The following SIDT2 variants were observed in gnomAD, a reference collection of about 807,000 sequenced individuals.
SIDT2 encodes SID1 transmembrane family, member 2.
In SIDT2, 68 loss-of-function variants were observed where a neutral mutation model predicts 114.4. That is an observed-to-expected ratio of 0.59 (90% CI 0.49 to 0.73). The LOEUF is 0.73. Ranked by LOEUF, SIDT2 falls within the 30% of genes least tolerant of loss-of-function variation. SIDT2 has a pLI of 0.00. For missense variants in SIDT2, 918 were observed against 1,097.1 expected, an observed-to-expected ratio of 0.84 and a Z score of 2.31; for synonymous variants, 470 against 438.4, an observed-to-expected ratio of 1.07 and a Z score of -0.90.
At position 117,182,099 on chromosome 11, in the gene SIDT2, G is replaced by A. The variant is rs777019232; in HGVS notation, c.510G>A (p.Gln170=). The change falls in exon 4 of 26, where the codon CAG becomes CAA. Residue 170 remains glutamine (Q), a synonymous_variant. Transcript: ENST00000324225. ...EQFSFNTTAA[Q]PQYFKYEFPE... ...TCAGCTTCAATACCACAGCAGCACA[G>A]CCCCAGGTAACATCTCCCTGTTGAT... 12 of 1,613,858 alleles carry A rather than the reference G, an allele frequency of 7.4e-6. No homozygotes were observed. In the South Asian group the frequency reaches 1.2e-4, roughly 16 times the overall value.
chr11:117,193,792 G>A, intron 23 of SIDT2, 61 bp from the exon 24 acceptor site: 1 of 1,262,078 alleles, frequency 7.9e-7, no homozygotes. Context: ...AGGCTGGGTG[G>A]GACAGCGGGG....
intron 1 of SIDT2, chr11:117,179,691 C>T (rs535247547): frequency 5.9e-6 from 3 of 507,780 alleles, no homozygotes; most frequent in Non-Finnish European, 1.0e-5. Flanking sequence ...CGCCCCCATT[C>T]TTCCATCAGT....
rs1210665807 is a variant in SIDT2 at position 117,186,526 on chromosome 11, A to T, written c.963-58A>T. 1.1e-5 allele frequency: 16 copies of T among 1,484,788 alleles called. No homozygotes were observed. In the East Asian group the frequency reaches 1.1e-4, roughly 11 times the overall value. The allele number at this position is 1,484,788 out of a possible 1,614,324, so 92.0% of individuals were successfully genotyped here. A position where few individuals can be genotyped will look rare whatever the true frequency, so the allele number is the denominator to read the frequency against. ...GAGAGGTAGAAGGAAAGTCAGCCCC[A>T]TACAGAGTGATCCTTGTCCTGTCCC... On this transcript the variant is annotated intron_variant, in intron 9 of 25. Coordinates refer to ENST00000324225, the MANE Select transcript of SIDT2 (RefSeq NM_001040455.2).
Position 117,182,123 on chromosome 11 carries a change from A to G in SIDT2, c.516+18A>G. ...AGCCCCAGGTAACATCTCCCTGTTG[A>G]TTGCTCGAGAGGAGAAATGGGGGAG... is the stretch of plus-strand genomic sequence containing the variant. On this transcript the variant is annotated intron_variant, in intron 4 of 25. Transcript: ENST00000324225. 1 of 1,613,488 alleles carries G rather than the reference A, an allele frequency of 6.2e-7. No homozygotes were observed. The highest frequency in any genetic ancestry group is 8.5e-7 in the Non-Finnish European group (1 of 1,179,954).
At chr11:117,186,977 C>T in intron 10 of SIDT2, 1 of 1,460,518 alleles carries the variant, frequency 6.8e-7, no homozygotes, top group East Asian at 2.9e-5. Context: ...CTGCGTGGGA[C>T]CTTCTCTCTT....
rs982597094 is a variant in SIDT2, at chr11:117,183,761, A to G, written c.703-18A>G. ...GATGATGATGATGAAGAAGATATTT[A>G]TCATCATCATCCTGCAGCGCAAAGA... is the stretch of plus-strand genomic sequence containing the variant. On this transcript the variant is annotated intron_variant, in intron 6 of 25. Transcript: ENST00000324225. 6.5e-7 allele frequency: 1 copy of G among 1,532,304 alleles called. No homozygotes were observed. The highest frequency in any genetic ancestry group is 9.0e-7 in the Non-Finnish European group (1 of 1,106,334). The allele number at this position is 1,532,304 out of a possible 1,614,324, so 94.9% of individuals were successfully genotyped here.
rs771177369 is a variant in SIDT2 at position 117,192,974 on chromosome 11, C to T, written c.2105+108C>T. The T allele has an allele frequency of 1.3e-5, 19 of 1,456,976 alleles. No individual in the cohort carries two copies. The highest frequency in any genetic ancestry group is 1.8e-5 in the Non-Finnish European group (19 of 1,037,456). The allele number at this position is 1,456,976 out of a possible 1,614,324, so 90.3% of individuals were successfully genotyped here. On this transcript the variant is annotated intron_variant, in intron 22 of 25. Transcript: ENST00000324225. This position sits in a 1 kb window ranked among gnomAD's most constrained non-coding sequence, Gnocchi z 5.9. ...CAACTTCCAAATGTTGGGCATAAGA[C>T]ATGGGGGCTAAGAGAGATCTTGGCC...
intron 23 of SIDT2, 57 bp from the exon 24 acceptor site, chr11:117,193,783 GGCTGGGTGGGACA>G (rs1479056619): frequency 8.7e-6 from 10 of 1,147,976 alleles, no homozygotes; most frequent in Middle Eastern, 2.5e-4. Context: ...ATCTGGGAAA[GGCTGGGTGGGACA>G]GCGGGGTGGG....
At chr11:117,183,666 A>T in intron 6 of SIDT2, 113 bp from the exon 7 acceptor site, 2 of 798,318 alleles carry the variant, frequency 2.5e-6, no homozygotes, top group Non-Finnish European at 4.0e-6. Context: ...TGTGAGGATT[A>T]AGTAAAATAT....
Position 117,190,777 on chromosome 11 carries a change from A to ACT in SIDT2, c.1735+37_1735+38insCT, listed in dbSNP as rs777323849. The ACT allele has an allele frequency of 6.6e-7, 1 of 1,526,280 alleles. No homozygotes were observed. The highest frequency in any genetic ancestry group is 2.2e-5 in the East Asian group (1 of 44,446). 94.5% of individuals were successfully genotyped at this position (1,526,280 alleles called of 1,614,324 possible). Reference sequence around the variant, plus strand: ...GTCCTTCTTTTCTGGCTCAACCTACAGCAGGGACCTGCCTGAGTCCTTCAC... The same window carrying ACT: ...GTCCTTCTTTTCTGGCTCAACCTACACTGCAGGGACCTGCCTGAGTCCTTCAC... On this transcript the variant is annotated intron_variant, in intron 18 of 25. Transcript: ENST00000324225. This position sits in a 1 kb window ranked among gnomAD's most constrained non-coding sequence, Gnocchi z 4.1.
chr11:117,184,153 G>A lies in SIDT2; in HGVS notation c.868+14G>A. The A allele has an allele frequency of 6.2e-7, 1 of 1,613,138 alleles. No homozygotes were observed. Among genetic ancestry groups the A allele is most frequent in the Non-Finnish European group, 8.5e-7 (1 of 1,179,466 alleles). Reference sequence around the variant, plus strand: ...AAGCAGTCACGTGTGAGTGCTGCAGGTGGCTGAGAGGGGATGGACAAGCCT... The same window carrying A: ...AAGCAGTCACGTGTGAGTGCTGCAGATGGCTGAGAGGGGATGGACAAGCCT... On this transcript the variant is annotated intron_variant, in intron 8 of 25. Transcript: ENST00000324225.
At position 117,178,936 on chromosome 11, in the gene SIDT2, A is replaced by C; in HGVS notation, c.-328A>C. 4.1e-6 allele frequency: 1 copy of C among 241,580 alleles called. No homozygotes were observed. Among genetic ancestry groups the C allele is most frequent in the Non-Finnish European group, 8.0e-6 (1 of 125,020 alleles). 15.0% of individuals were successfully genotyped at this position (241,580 alleles called of 1,614,324 possible). Reference sequence around the variant, plus strand: ...TTCCCGGCGTCTCCAGGCTCCCGGCAACCAGCCGCCCTCCTTCTCACGGCC... The same window carrying C: ...TTCCCGGCGTCTCCAGGCTCCCGGCCACCAGCCGCCCTCCTTCTCACGGCC... On this transcript the variant is annotated 5_prime_UTR_variant, in exon 1 of 26. Coordinates refer to ENST00000324225, the MANE Select transcript of SIDT2 (RefSeq NM_001040455.2).
Position 117,187,664 on chromosome 11 carries a change from G to C in SIDT2, c.1124G>C (p.Ser375Thr), listed in dbSNP as rs948367891. Residue 375 changes from serine (S) to threonine (T), a missense_variant, in exon 12 of 26, where the codon AGC becomes ACC. Around this residue, in one of 4 missense-constraint regions of SIDT2, gnomAD observed 553 missense variants for 600.1 expected, o/e 0.92. Coordinates refer to ENST00000324225, the MANE Select transcript of SIDT2 (RefSeq NM_001040455.2). Reference protein sequence around the residue: ...VSGSTDGLVDSAGTGDLSYGY... With the variant: ...VSGSTDGLVDTAGTGDLSYGY... Reference sequence around the variant, plus strand: ...GGATCTACCGATGGTCTGGTTGACAGCGCTGGCACTGGGGACCTCTCTTAC... The same window carrying C: ...GGATCTACCGATGGTCTGGTTGACACCGCTGGCACTGGGGACCTCTCTTAC... 8 of 1,613,988 alleles carry C rather than the reference G, an allele frequency of 5.0e-6. No individual in the cohort carries two copies. The highest frequency in any genetic ancestry group is 2.7e-5 in the African/African-American group (2 of 74,904).
At chr11:117,183,950 G>C in intron 7 of SIDT2, 72 bp downstream of exon 7, 1 of 1,503,406 alleles carries the variant, frequency 6.7e-7, no homozygotes, top group Non-Finnish European at 9.3e-7. Flanking sequence ...AGAAGAGCCT[G>C]CGTGGCTGAT....
intron 24 of SIDT2, 142 bp downstream of exon 24, chr11:117,194,105 A>G: frequency 1.6e-6 from 1 of 624,388 alleles, no homozygotes; most frequent in Non-Finnish European, 2.8e-6. Flanking sequence ...GTTCAAGACC[A>G]GCCTGGGCAA....
chr11:117,183,471 C>G (rs553541839), intron 6 of SIDT2, among the ~76,000 whole-genome samples: 45 of 152,138 alleles, frequency 3.0e-4, no homozygotes, highest in African/African-American at 1.1e-3. Context: ...AACCCCATCT[C>G]TACTAAAAAC....
intron 8 of SIDT2, chr11:117,185,891 A>AAAG (rs1555036786): frequency 1.5e-5 from 2 of 129,804 alleles, no homozygotes; most frequent in Non-Finnish European, 1.5e-5. Context: ...AAAAAAAAAA[A>AAAG]AAAAGTAGAA....
chr11:117,179,743 CAG>C, intron 1 of SIDT2: 1 of 293,576 alleles, frequency 3.4e-6, no homozygotes, highest in Non-Finnish European at 6.3e-6. Flanking sequence ...CCCTAAACCC[CAG>C]AATCTGACAG....
chr11:117,186,093 G>A (rs556732571), intron 8 of SIDT2, 37 bp from the exon 9 acceptor site: 2 of 1,591,858 alleles, frequency 1.3e-6, no homozygotes, highest in Non-Finnish European at 1.7e-6. Context: ...GTGGTGGAAG[G>A]TTTTGACCTG....
Sources: gnomAD v4.1 joint callset for allele counts (sites outside exome capture counted in the v4.1 genomes callset) on GRCh38, gnomAD v4.1.1 for gene constraint, gnomAD v4.1.1 regional missense constraint, Gnocchi (gnomAD v3.1) non-coding constraint, MANE v1.5 for transcripts, NCBI Gene and HGNC (gene_info 2026-07-23, HGNC 2026-07-21) for gene names.